Variants in NR3C2 observed in about 807,000 individuals in gnomAD.
NR3C2 encodes the protein nuclear receptor subfamily 3 group C member 2.
Under a neutral mutation model 86.4 loss-of-function variants are expected in NR3C2, and 15 were observed. The observed-to-expected ratio is 0.17, with a 90% CI of 0.12 to 0.27. The LOEUF (loss-of-function observed/expected upper bound fraction) is 0.27. Ranked by LOEUF, NR3C2 falls within the 10% of genes least tolerant of loss-of-function variation. The probability of loss-of-function intolerance (pLI) is 1.00; values close to 1 mark genes in which losing one functional copy is unlikely to be tolerated. For missense variants in NR3C2, 960 were observed against 1,195.6 expected (o/e 0.80, Z 2.91); for synonymous variants, 458 against 450.5 (o/e 1.02, Z -0.21).
Position 148,273,755 on chromosome 4 carries a change from G to A in NR3C2, c.1758-13638C>T, listed in dbSNP as rs1297871846. Among the ~76,000 whole-genome samples, 3 of 152,156 alleles carry A rather than the reference G, an allele frequency of 2.0e-5. No homozygotes were observed. In the South Asian group the frequency reaches 6.2e-4, roughly 32 times the overall value. On this transcript the variant is annotated intron_variant, in intron 2 of 8. Coordinates refer to ENST00000358102, the MANE Select transcript of NR3C2 (RefSeq NM_000901.5). ...CCAGAAGCAGAGAAGGTACACACCA[G>A]GTCAAGGCTAGGAACTAGCTAGAGC...
intron 2 of NR3C2, among the ~76,000 whole-genome samples, chr4:148,403,327 T>C (rs1418438879): frequency 6.6e-6 from 1 of 152,042 alleles, no homozygotes; most frequent in African/African-American, 2.4e-5. Flanking sequence ...TTTTACACTT[T>C]GTTATGGTCT....
intron 2 of NR3C2, among the ~76,000 whole-genome samples, chr4:148,319,387 C>G (rs529389836): frequency 6.6e-6 from 1 of 152,066 alleles, no homozygotes; most frequent in African/African-American, 2.4e-5. Context: ...TATGAACTTT[C>G]AAGTAGTTTT....
At chr4:148,430,807 T>C (rs1188334734) in intron 2 of NR3C2, among the ~76,000 whole-genome samples, 2 of 152,152 alleles carry the variant, frequency 1.3e-5, no homozygotes, top group Non-Finnish European at 2.9e-5. Context: ...CGAATTCTGA[T>C]GTTTGGTTTG....
chr4:148,169,310 T>G (rs1735019925), intron 4 of NR3C2, among the ~76,000 whole-genome samples: 1 of 152,156 alleles, frequency 6.6e-6, no homozygotes, highest in Non-Finnish European at 1.5e-5. Flanking sequence ...TTGGTTCCTA[T>G]GCTTAAAAAG....
intron 2 of NR3C2, among the ~76,000 whole-genome samples, chr4:148,308,339 C>A (rs1462785640): frequency 6.6e-6 from 1 of 152,096 alleles, no homozygotes; most frequent in East Asian, 1.9e-4. Flanking sequence ...ATTTTGAATT[C>A]TAGCAATATG....
In NR3C2 at chr4:148,134,437, G is replaced by C. The variant is rs151086177; in HGVS notation, c.2511-14149C>G. On this transcript the variant is annotated intron_variant, in intron 6 of 8. Transcript: ENST00000358102. ...GTATGAAATTCCTTTTCTCAAGATAGATGAGGGGTAAAAGTGACATTTTCT... is the reference window on the plus strand; with the variant it reads ...GTATGAAATTCCTTTTCTCAAGATACATGAGGGGTAAAAGTGACATTTTCT... 3.2e-4 allele frequency among the ~76,000 whole-genome samples: 48 copies of C among 152,204 alleles called. No homozygotes were observed. In the East Asian group the frequency reaches 8.1e-3, roughly 26 times the overall value.
rs1442190986 is a variant in NR3C2 at position 148,080,280 on chromosome 4, G to A, written c.*1064C>T. 1 of 152,562 alleles carries A rather than the reference G, an allele frequency of 6.6e-6. No individual in the cohort carries two copies. The highest frequency in any genetic ancestry group is 1.5e-5 in the Non-Finnish European group (1 of 68,020). 9.5% of individuals were successfully genotyped at this position (152,562 alleles called of 1,614,324 possible). A position where few individuals can be genotyped will look rare whatever the true frequency, so the allele number is the denominator to read the frequency against. ...CGGGAGACCAAGAACAAAACAAAAA[G>A]TACAGAAAAAGTAGAAAGGTTTCAA... On this transcript the variant is annotated 3_prime_UTR_variant, in exon 9 of 9. Transcript: ENST00000358102.
intron 5 of NR3C2, 51 bp from the exon 6 acceptor site, chr4:148,152,664 T>C: frequency 6.3e-7 from 1 of 1,586,242 alleles, no homozygotes; most frequent in Non-Finnish European, 8.7e-7. Context: ...TTTAAGTACA[T>C]TCCAGGAAGA....
chr4:148,384,697 C>T (rs1006324102), intron 2 of NR3C2, among the ~76,000 whole-genome samples: 1 of 152,094 alleles, frequency 6.6e-6, no homozygotes, highest in Non-Finnish European at 1.5e-5. Flanking sequence ...CCAGAATGTT[C>T]TATTAACTGT....
At chr4:148,153,782 C>A (rs1381168878) in intron 5 of NR3C2, among the ~76,000 whole-genome samples, 2 of 152,010 alleles carry the variant, frequency 1.3e-5, no homozygotes, top group African/African-American at 2.4e-5. Context: ...GTGCTGGGGG[C>A]CAGGTGATTA....
chr4:148,241,367 G>T (rs10026691), intron 3 of NR3C2, among the ~76,000 whole-genome samples: 116,669 of 116,694 alleles, frequency 1, 58,322 homozygotes, highest in Middle Eastern at 1. Context: ...CCTATAATTG[G>T]CTTTGAGGCC....
rs539466660 is a variant in NR3C2 at position 148,350,730 on chromosome 4, G to A, written c.1757+84374C>T. ...ATCTTGTTGGCAAGGGATACAGACAGAGCCCTTAGTGGCTGGCACCTGTCA... is the reference window on the plus strand; with the variant it reads ...ATCTTGTTGGCAAGGGATACAGACAAAGCCCTTAGTGGCTGGCACCTGTCA... On this transcript the variant is annotated intron_variant, in intron 2 of 8. Coordinates refer to ENST00000358102, the MANE Select transcript of NR3C2 (RefSeq NM_000901.5). Among the ~76,000 whole-genome samples the A allele has an allele frequency of 3.3e-5, 5 of 152,312 alleles. No individual in the cohort carries two copies. In the East Asian group the frequency reaches 9.6e-4, roughly 29 times the overall value.
intron 2 of NR3C2, among the ~76,000 whole-genome samples, chr4:148,281,917 G>T (rs1741266022): frequency 6.6e-6 from 1 of 152,246 alleles, no homozygotes; most frequent in African/African-American, 2.4e-5. Context: ...AAACAGTCTG[G>T]TAAGAGATTA....
At chr4:148,178,149 C>A (rs1298350475) in intron 4 of NR3C2, among the ~76,000 whole-genome samples, 1 of 146,870 alleles carries the variant, frequency 6.8e-6, no homozygotes, top group Non-Finnish European at 1.5e-5. Context: ...ACCAGTCTGG[C>A]AAACATGGTG....
At position 148,346,872 on chromosome 4, in the gene NR3C2, G is replaced by T. The variant is rs142641404; in HGVS notation, c.1758-86755C>A. Among the ~76,000 whole-genome samples the T allele has an allele frequency of 5.9e-5, 9 of 152,244 alleles. No individual in the cohort carries two copies. In the East Asian group the frequency reaches 1.7e-3, roughly 29 times the overall value. On this transcript the variant is annotated intron_variant, in intron 2 of 8. Coordinates refer to ENST00000358102, the MANE Select transcript of NR3C2 (RefSeq NM_000901.5). ...ATTTCTATGGGGCAGCACTGATACA[G>T]ATAGTAACTGAAGTTTGGAAGAGTA... is the stretch of plus-strand genomic sequence containing the variant.
chr4:148,402,557 C>T (rs1017903017), intron 2 of NR3C2, among the ~76,000 whole-genome samples: 16 of 152,206 alleles, frequency 1.1e-4, no homozygotes, highest in African/African-American at 3.1e-4. Context: ...GGCTCCTCTT[C>T]GGTATGAATT....
At chr4:148,425,503 T>C (rs1749483257) in intron 2 of NR3C2, among the ~76,000 whole-genome samples, 2 of 152,124 alleles carry the variant, frequency 1.3e-5, no homozygotes, top group African/African-American at 4.8e-5. Context: ...TCAGGAGGCA[T>C]AGCCTTCTTG....
intron 3 of NR3C2, among the ~76,000 whole-genome samples, chr4:148,239,770 A>G (rs933966263): frequency 2.0e-5 from 3 of 152,230 alleles, no homozygotes; most frequent in Non-Finnish European, 4.4e-5. Context: ...ACACCATGTG[A>G]AAAATGAGGT....
intron 3 of NR3C2, among the ~76,000 whole-genome samples, chr4:148,248,735 T>A (rs183264387): frequency 2.6e-5 from 4 of 152,320 alleles, no homozygotes; most frequent in Admixed American, 2.6e-4. Flanking sequence ...TTTTCTGCAA[T>A]TTTTACTTTT....
Sources: gnomAD v4.1 joint callset for allele counts (sites outside exome capture counted in the v4.1 genomes callset) on GRCh38, gnomAD v4.1.1 for gene constraint, MANE v1.5 for transcripts, NCBI Gene and HGNC (gene_info 2026-07-23, HGNC 2026-07-21) for gene names.